MFSD8: variants seen among roughly 807,000 people sequenced by gnomAD.
The protein encoded by MFSD8 is major facilitator superfamily domain-containing protein 8.
MFSD8 carries 55 observed loss-of-function variants against 66.4 expected under a neutral mutation model. The ratio of observed to expected loss-of-function variants is 0.83; its 90% confidence interval spans 0.67 to 1.04. The LOEUF is 1.04. Ranked by LOEUF, MFSD8 falls within the 50% of genes least tolerant of loss-of-function variation. The pLI is 0.00. For missense variants in MFSD8, 550 were observed against 627.6 expected, an observed-to-expected ratio of 0.88 and a Z score of 1.32; for synonymous variants, 202 against 212.8, an observed-to-expected ratio of 0.95 and a Z score of 0.44.
intron 2 of MFSD8, among the ~76,000 whole-genome samples, chr4:127,957,027 A>G (rs1261074283): frequency 6.6e-6 from 1 of 152,192 alleles, no homozygotes; most frequent in African/African-American, 2.4e-5. Context: ...TTAAGCACAT[A>G]GGAGAATAGA....
At chr4:127,956,487 G>C (rs375288702) in intron 2 of MFSD8, among the ~76,000 whole-genome samples, 1 of 139,312 alleles carries the variant, frequency 7.2e-6, no homozygotes, top group Non-Finnish European at 1.5e-5. Context: ...GCGACAGTGC[G>C]AAACTCCGTC....
rs578102641 is a variant in MFSD8 at position 127,943,914 on chromosome 4, T to C, written c.277A>G (p.Ile93Val). The change falls in exon 4 of 12, where the codon ATA becomes GTA. Residue 93 changes from isoleucine (I) to valine (V), a missense_variant. Physicochemically the swap from Ile to Val is conservative, Grantham distance 29. Transcript: ENST00000641686. ...CTATAATTAGACCATAAACCAAATA[T>C]AGGTGAAGCTACCATTTGGCCAAGA... Reference protein sequence around the residue: ...YSLGQMVASPIFGLWSNYRPR... With the variant: ...YSLGQMVASPVFGLWSNYRPR... 6.8e-6 allele frequency: 11 copies of C among 1,613,990 alleles called. No homozygotes were observed. Among genetic ancestry groups the C allele is most frequent in the South Asian group, 5.5e-5 (5 of 91,088 alleles).
chr4:127,965,651 CCGCGCCTCTTAGCGCGCCGTGTA>C (rs1231553837), upstream of MFSD8: 2 of 185,048 alleles, frequency 1.1e-5, no homozygotes, highest in Non-Finnish European at 2.3e-5. Context: ...TAAGAGCTCC[CCGCGCCTCTTAGCGCGCCGTGTA>C]CGCGCCTGGA....
chr4:127,930,884 TAAG>T, intron 8 of MFSD8, 67 bp from the exon 9 acceptor site: 1 of 1,410,000 alleles, frequency 7.1e-7, no homozygotes, highest in Non-Finnish European at 9.7e-7. Flanking sequence ...AAGTGAAGTG[TAAG>T]TTTTAATAAC....
At position 127,919,614 on chromosome 4, in the gene MFSD8, TGG is replaced by T. The variant is rs1166165385; in HGVS notation, c.*1014_*1015del. 6.6e-6 allele frequency: 1 copy of T among 152,144 alleles called. No individual in the cohort carries two copies. Among genetic ancestry groups the T allele is most frequent in the African/African-American group, 2.4e-5 (1 of 41,412 alleles). 9.4% of individuals were successfully genotyped at this position (152,144 alleles called of 1,614,324 possible). ...CAAATACTTATTAGCCTGACTAGTTTGGGGCTGTCAGGGATCATCCAAATTAA... is the reference window on the plus strand; with the variant it reads ...CAAATACTTATTAGCCTGACTAGTTTGGCTGTCAGGGATCATCCAAATTAA... On this transcript the variant is annotated 3_prime_UTR_variant, in exon 12 of 12. Coordinates refer to ENST00000641686, the MANE Select transcript of MFSD8 (RefSeq NM_001371596.2).
intron 2 of MFSD8, among the ~76,000 whole-genome samples, chr4:127,952,269 G>C (rs1253982550): frequency 6.6e-6 from 1 of 151,698 alleles, no homozygotes; most frequent in Non-Finnish European, 1.5e-5. Context: ...TCCGGGTGTA[G>C]CGGCATGCAT....
intron 7 of MFSD8, among the ~76,000 whole-genome samples, chr4:127,936,626 T>A (rs770806514): frequency 1.3e-5 from 2 of 151,932 alleles, no homozygotes; most frequent in African/African-American, 4.8e-5. Context: ...GGGTGGGACA[T>A]ATTTATATTA....
At chr4:127,934,986 AT>A (rs1270213730) in intron 7 of MFSD8, among the ~76,000 whole-genome samples, 5 of 152,198 alleles carry the variant, frequency 3.3e-5, no homozygotes, top group African/African-American at 1.2e-4. Flanking sequence ...AGTTTCTATG[AT>A]TTTTTTCATA....
rs188854476 is a variant in MFSD8 at position 127,961,699 on chromosome 4, C to G, written c.62+3373G>C. On this transcript the variant is annotated intron_variant, in intron 1 of 11. Coordinates refer to ENST00000641686, the MANE Select transcript of MFSD8 (RefSeq NM_001371596.2). Reference sequence around the variant, plus strand: ...GGCGTGGTGACGGGCGCCTGTAGTCCCAGCTACTCTACTCGGGAGGCTGAG... The same window carrying G: ...GGCGTGGTGACGGGCGCCTGTAGTCGCAGCTACTCTACTCGGGAGGCTGAG... Among the ~76,000 whole-genome samples the G allele has an allele frequency of 4.4e-3, 661 of 151,926 alleles. 8 individuals are homozygous for G. The highest frequency in any genetic ancestry group is 0.015 in the African/African-American group (632 of 41,424).
chr4:127,945,774 T>A (rs1379861958), intron 3 of MFSD8: 1 of 152,170 alleles, frequency 6.6e-6, no homozygotes, highest in Non-Finnish European at 1.5e-5. Context: ...TGGTTTTCAT[T>A]TTCTTCCTGT....
At chr4:127,953,561 TTTTTTTTTTTG>T (rs1742383174) in intron 2 of MFSD8, among the ~76,000 whole-genome samples, 1 of 139,740 alleles carries the variant, frequency 7.2e-6, no homozygotes. Context: ...TTTTTTTTTT[TTTTTTTTTTTG>T]AGACGGAATC....
At chr4:127,943,712 T>A in intron 4 of MFSD8, 40 bp downstream of exon 4, 1 of 1,613,388 alleles carries the variant, frequency 6.2e-7, no homozygotes, top group South Asian at 1.1e-5. Flanking sequence ...TCAGAATGAA[T>A]GTGAATATGA....
rs781051390 is a variant in MFSD8, at chr4:127,943,984, C to T, written c.207G>A (p.Pro69=). 2.9e-5 allele frequency: 46 copies of T among 1,613,974 alleles called. No individual in the cohort carries two copies. The highest frequency in any genetic ancestry group is 3.5e-5 in the Non-Finnish European group (41 of 1,180,018). ...AGCCCAAAAAACTTGTATCAGCTGTCGGATCAATCTGCAGAAAAAGGTACA... is the reference window on the plus strand; with the variant it reads ...AGCCCAAAAAACTTGTATCAGCTGTTGGATCAATCTGCAGAAAAAGGTACA... The part of the protein sequence containing the change: ...SIWPYLQKID[P]TADTSFLGWV... Residue 69 remains proline, a synonymous_variant, in exon 4 of 12, where the codon CCG becomes CCA. Transcript: ENST00000641686.
rs373402702 is a variant in MFSD8 at position 127,938,595 on chromosome 4, AT to A, written c.754+187del. Among the ~76,000 whole-genome samples the A allele has an allele frequency of 0.053, 5,916 of 110,598 alleles. 423 individuals are homozygous for A. The highest frequency in any genetic ancestry group is 0.18 in the African/African-American group (4,737 of 26,712). The allele number at this position is 110,598 out of a possible 152,430, so 72.6% of individuals were successfully genotyped here. A position where few individuals can be genotyped will look rare whatever the true frequency, so the allele number is the denominator to read the frequency against. On this transcript the variant is annotated intron_variant, in intron 7 of 11. Coordinates refer to ENST00000641686, the MANE Select transcript of MFSD8 (RefSeq NM_001371596.2). Reference sequence around the variant, plus strand: ...GAAACTCTGTCTCAAAAAAAAAAAAATAAATAAATAAATAAATAAATAAATA... The same window carrying A: ...GAAACTCTGTCTCAAAAAAAAAAAAAAAATAAATAAATAAATAAATAAATA...
intron 9 of MFSD8, among the ~76,000 whole-genome samples, chr4:127,925,045 A>G (rs1736965949): frequency 6.6e-6 from 1 of 152,220 alleles, no homozygotes; most frequent in Non-Finnish European, 1.5e-5. Context: ...CCATACGCAG[A>G]AAACTGAGAC....
At chr4:127,943,217 CAA>C (rs770669550) in intron 4 of MFSD8, among the ~76,000 whole-genome samples, 5 of 110,018 alleles carry the variant, frequency 4.5e-5, no homozygotes, top group South Asian at 2.9e-4. Context: ...GACTCCGTTT[CAA>C]AAAAAAAAAA....
chr4:127,950,995 G>A (rs1741847725), intron 2 of MFSD8, among the ~76,000 whole-genome samples: 1 of 151,640 alleles, frequency 6.6e-6, no homozygotes, highest in Non-Finnish European at 1.5e-5. Context: ...CGGAGGCGGA[G>A]GTTGTAGTGA....
At chr4:127,930,408 T>G (rs887572327) in intron 9 of MFSD8, among the ~76,000 whole-genome samples, 11 of 152,206 alleles carry the variant, frequency 7.2e-5, no homozygotes, top group African/African-American at 2.7e-4. Flanking sequence ...CAATATATAT[T>G]ACAATACAGT....
At chr4:127,934,617 G>A (rs919803367) in intron 7 of MFSD8, 1 of 127,346 alleles carries the variant, frequency 7.9e-6, no homozygotes, top group African/African-American at 3.0e-5. Context: ...GTCTTGCTCT[G>A]TTGCCAGGCT....
Sources: allele counts gnomAD v4.1 joint callset (sites outside exome capture counted in the v4.1 genomes callset), GRCh38; gene constraint gnomAD v4.1.1; transcripts MANE v1.5; gene names NCBI Gene and HGNC (gene_info 2026-07-23, HGNC 2026-07-21).